DSCAML1: variants seen among roughly 807,000 people sequenced by gnomAD.
DSCAML1 encodes the protein DS cell adhesion molecule like 1, also known as cell adhesion molecule DSCAML1.
Under a neutral mutation model 200.5 loss-of-function variants are expected in DSCAML1, and 38 were observed. The ratio of observed to expected loss-of-function variants is 0.19; its 90% CI spans 0.15 to 0.25. The LOEUF (loss-of-function observed/expected upper bound fraction) is 0.25, where lower values mean the gene tolerates loss of function less well. Ranked by LOEUF, DSCAML1 falls within the 10% of genes least tolerant of loss-of-function variation. DSCAML1 has a pLI of 1.00. For synonymous variants in DSCAML1, 1,215 were observed against 1,165.0 expected (o/e 1.04, Z -0.87); for missense variants, 2,223 against 2,858.8 (o/e 0.78, Z 5.07).
At chr11:117,770,942 A>C (rs1434965632) in intron 3 of DSCAML1, among the ~76,000 whole-genome samples, 1 of 152,224 alleles carries the variant, frequency 6.6e-6, no homozygotes. Context: ...AGTTAAAATC[A>C]TGTGCCCTGA....
chr11:117,655,768 G>A (rs1185548409), intron 3 of DSCAML1, among the ~76,000 whole-genome samples: 1 of 152,226 alleles, frequency 6.6e-6, no homozygotes. Context: ...ATGCTGGGGA[G>A]AAAAGGCATA....
intron 3 of DSCAML1, among the ~76,000 whole-genome samples, chr11:117,578,293 C>T (rs1049303305): frequency 6.6e-6 from 1 of 150,444 alleles, no homozygotes; most frequent in Non-Finnish European, 1.5e-5. Flanking sequence ...TTCCATGACA[C>T]CAGTCTATCC....
chr11:117,644,872 G>A (rs12291890), intron 3 of DSCAML1, among the ~76,000 whole-genome samples: 2,146 of 152,322 alleles, frequency 0.014, 43 homozygotes, highest in African/African-American at 0.046. Flanking sequence ...TGAACCCGCC[G>A]GGGCAGCGTC....
intron 3 of DSCAML1, among the ~76,000 whole-genome samples, chr11:117,764,347 A>T (rs1565270333): frequency 6.6e-6 from 1 of 152,180 alleles, no homozygotes; most frequent in Non-Finnish European, 1.5e-5. Flanking sequence ...TACAAATTAC[A>T]TCATGCATGC....
At chr11:117,701,321 G>T (rs997504224) in intron 3 of DSCAML1, among the ~76,000 whole-genome samples, 4 of 152,128 alleles carry the variant, frequency 2.6e-5, no homozygotes, top group Admixed American at 2.0e-4. Flanking sequence ...AGAGGCAACT[G>T]GGGGGCAGGG....
chr11:117,769,558 A>ATATATT (rs1449785431), intron 3 of DSCAML1, among the ~76,000 whole-genome samples: 5 of 93,096 alleles, frequency 5.4e-5, no homozygotes, highest in African/African-American at 8.9e-5. Context: ...TTATATATAT[A>ATATATT]TTTTATATAT....
Position 117,515,610 on chromosome 11 carries a change from C to CTTTTT in DSCAML1, c.1783+852_1783+856dup, listed in dbSNP as rs56765238. On this transcript the variant is annotated intron_variant, in intron 8 of 32. Transcript: ENST00000651296. The stretch of plus-strand genomic sequence containing the variant: ...TGTCAAGGGCCCAGGAGGGACGAAG[C>CTTTTT]TTTTTTTTTTTTTTTTTTTTTTTTT... Among the ~76,000 whole-genome samples, 10 of 65,122 alleles carry CTTTTT rather than the reference C, an allele frequency of 1.5e-4. 1 individual carries two copies. The highest frequency in any genetic ancestry group is 4.2e-4 in the African/African-American group (5 of 11,910). 42.7% of individuals were successfully genotyped at this position (65,122 alleles called of 152,430 possible).
rs1165615672 is a variant in DSCAML1, at chr11:117,516,019, T to G, written c.1783+448A>C. Among the ~76,000 whole-genome samples the G allele has an allele frequency of 6.6e-6, 1 of 152,180 alleles. No homozygotes were observed. Among genetic ancestry groups the G allele is most frequent in the African/African-American group, 2.4e-5 (1 of 41,436 alleles). On this transcript the variant is annotated intron_variant, in intron 8 of 32. Coordinates refer to ENST00000651296, the MANE Select transcript of DSCAML1 (RefSeq NM_020693.4). The surrounding 1 kb of genome is among the most constrained non-coding windows in gnomAD (Gnocchi z 5.7). ...AGTCCTGTAGAAGCAGCCTGGGTAC[T>G]GTGTATCCCACAGGGGGTCAGGGCT...
At position 117,758,722 on chromosome 11, in the gene DSCAML1, TC is replaced by T. The variant is rs554763644; in HGVS notation, c.511+18068del. On this transcript the variant is annotated intron_variant, in intron 3 of 32. Coordinates refer to ENST00000651296, the MANE Select transcript of DSCAML1 (RefSeq NM_020693.4). ...CGGCCGGCAGAACTCTTTATTGCCA[TC>T]TTTGGTTATCTCTTAAGGATAGAGC... Among the ~76,000 whole-genome samples the T allele has an allele frequency of 8.9e-4, 136 of 152,250 alleles. No homozygotes were observed. In the Middle Eastern group the frequency reaches 0.017, roughly 19 times the overall value.
At chr11:117,641,959 T>C (rs956656194) in intron 3 of DSCAML1, among the ~76,000 whole-genome samples, 2 of 152,036 alleles carry the variant, frequency 1.3e-5, no homozygotes, top group African/African-American at 4.8e-5. Flanking sequence ...TGGTAAGTGG[T>C]TGGGCTGGGA....
rs376939952 is a variant in DSCAML1 at position 117,720,942 on chromosome 11, A to G, written c.511+55849T>C. On this transcript the variant is annotated intron_variant, in intron 3 of 32. Transcript: ENST00000651296. ...ACAGGCACAGACTTTGTCCTCTAAG[A>G]AGTGTCCTGAGGAAACATTTACTGG... Among the ~76,000 whole-genome samples the G allele has an allele frequency of 4.4e-4, 67 of 152,326 alleles. 1 individual carries two copies. The South Asian group carries it at 0.014, about 31-fold the overall frequency.
intron 11 of DSCAML1, among the ~76,000 whole-genome samples, chr11:117,496,809 A>G (rs2049297089): frequency 6.6e-6 from 1 of 152,212 alleles, no homozygotes; most frequent in African/African-American, 2.4e-5. Flanking sequence ...CATCCCTCCT[A>G]TCCCTTTAAT....
intron 3 of DSCAML1, among the ~76,000 whole-genome samples, chr11:117,597,696 T>C (rs1002481373): frequency 6.6e-6 from 1 of 152,138 alleles, no homozygotes; most frequent in African/African-American, 2.4e-5. Context: ...CCTCAAGTGA[T>C]CCACCCGCTT....
chr11:117,745,385 G>A (rs2054501394), intron 3 of DSCAML1, among the ~76,000 whole-genome samples: 1 of 152,200 alleles, frequency 6.6e-6, no homozygotes, highest in African/African-American at 2.4e-5. Flanking sequence ...CGAGGGAGCT[G>A]AAGCTGTTCC....
At chr11:117,529,202 C>T (rs953196584) in intron 4 of DSCAML1, among the ~76,000 whole-genome samples, 1 of 152,070 alleles carries the variant, frequency 6.6e-6, no homozygotes, top group Non-Finnish European at 1.5e-5. Context: ...CTCCGCCTCC[C>T]GAGTAGCTGG....
At chr11:117,667,179 A>T (rs913089397) in intron 3 of DSCAML1, among the ~76,000 whole-genome samples, 1 of 152,216 alleles carries the variant, frequency 6.6e-6, no homozygotes, top group Non-Finnish European at 1.5e-5. Context: ...CGGGAGGCCA[A>T]GGTGGGTGGA....
chr11:117,437,869 C>T lies in DSCAML1; in HGVS notation c.4432+26G>A. The T allele has an allele frequency of 1.9e-6, 3 of 1,582,138 alleles. No homozygotes were observed. The highest frequency in any genetic ancestry group is 2.6e-6 in the Non-Finnish European group (3 of 1,167,314). On this transcript the variant is annotated intron_variant, in intron 25 of 32. Coordinates refer to ENST00000651296, the MANE Select transcript of DSCAML1 (RefSeq NM_020693.4). The surrounding 1 kb of genome is among the most constrained non-coding windows in gnomAD (Gnocchi z 5.3). Reference sequence around the variant, plus strand: ...ACCCTCCCTGGGCCCATCGCTCCTTCCCTGCCCCAGTGGCCTGGGCCTCAC... The same window carrying T: ...ACCCTCCCTGGGCCCATCGCTCCTTTCCTGCCCCAGTGGCCTGGGCCTCAC...
chr11:117,672,423 A>G (rs1439472914), intron 3 of DSCAML1, among the ~76,000 whole-genome samples: 2 of 151,680 alleles, frequency 1.3e-5, no homozygotes, highest in Admixed American at 6.6e-5. Flanking sequence ...TGGCTTTCCT[A>G]TTAGCAAAGA....
chr11:117,471,780 G>A, intron 15 of DSCAML1, 89 bp downstream of exon 15: 1 of 1,467,644 alleles, frequency 6.8e-7, no homozygotes, highest in Non-Finnish European at 9.2e-7. Flanking sequence ...TTAACTGCAA[G>A]CTCATTGCCA....
Sources: gnomAD v4.1 joint callset for allele counts (sites outside exome capture counted in the v4.1 genomes callset) on GRCh38, gnomAD v4.1.1 for gene constraint, Gnocchi (gnomAD v3.1) non-coding constraint, MANE v1.5 for transcripts, NCBI Gene and HGNC (gene_info 2026-07-23, HGNC 2026-07-21) for gene names.